PRR16: variants seen among roughly 807,000 people sequenced by gnomAD.
PRR16 encodes the protein protein Largen.
Under a neutral mutation model 18.2 loss-of-function variants are expected in PRR16, and 6 were observed. The ratio of observed to expected loss-of-function variants is 0.33; its 90% CI spans 0.18 to 0.65. PRR16 has a LOEUF of 0.65. Among genes scored for constraint, PRR16 ranks in the 30% least tolerant of loss-of-function variants. The pLI is 0.74. For synonymous variants in PRR16, 151 were observed against 147.8 expected, an observed-to-expected ratio of 1.02 and a Z score of -0.16; for missense variants, 412 against 376.6, an observed-to-expected ratio of 1.09 and a Z score of -0.78.
the PRR16 span, among the ~76,000 whole-genome samples, chr5:120,714,123 A>C: frequency 6.6e-6 from 1 of 152,134 alleles, no homozygotes; most frequent in African/African-American, 2.4e-5. Flanking sequence ...TTATAATATG[A>C]TATTAAATCA....
chr5:120,524,848 A>C (rs1438471181), intron 1 of PRR16, among the ~76,000 whole-genome samples: 1 of 152,118 alleles, frequency 6.6e-6, no homozygotes, highest in Non-Finnish European at 1.5e-5. Flanking sequence ...TTAAAAAAGC[A>C]AATAAACTAT....
chr5:120,729,550 ATTTG>A, the PRR16 span, among the ~76,000 whole-genome samples: 11 of 152,216 alleles, frequency 7.2e-5, no homozygotes, highest in African/African-American at 2.6e-4. Context: ...GGGTTTGAGT[ATTTG>A]TTTGCTTATT....
intron 1 of PRR16, among the ~76,000 whole-genome samples, chr5:120,505,402 C>G (rs192247881): frequency 9.6e-4 from 146 of 151,348 alleles, no homozygotes; most frequent in Admixed American, 2.8e-3. Context: ...TGGCTGTTGC[C>G]TCCTGCTTGG....
At chr5:120,618,094 A>G (rs1289842731) in intron 1 of PRR16, among the ~76,000 whole-genome samples, 1 of 152,138 alleles carries the variant, frequency 6.6e-6, no homozygotes, top group Non-Finnish European at 1.5e-5. Context: ...ATGGATACCA[A>G]ATTTTTCCAC....
intron 1 of PRR16, among the ~76,000 whole-genome samples, chr5:120,614,291 T>C (rs1415746982): frequency 6.6e-6 from 1 of 152,214 alleles, no homozygotes; most frequent in African/African-American, 2.4e-5. Context: ...TATCTTCTTA[T>C]TGGAAGAATA....
At chr5:120,661,918 T>G (rs1213363856) in intron 1 of PRR16, among the ~76,000 whole-genome samples, 1 of 152,118 alleles carries the variant, frequency 6.6e-6, no homozygotes, top group Non-Finnish European at 1.5e-5. Flanking sequence ...TAAGAAATGG[T>G]TCAACAATTT....
the PRR16 span, among the ~76,000 whole-genome samples, chr5:120,745,825 A>G: frequency 6.7e-6 from 1 of 149,272 alleles, no homozygotes; most frequent in African/African-American, 2.5e-5. Flanking sequence ...CAGCCTCTGG[A>G]GTAGCTGGGA....
At chr5:120,753,938 TA>T in the PRR16 span, among the ~76,000 whole-genome samples, 2 of 9,360 alleles carry the variant, frequency 2.1e-4, no homozygotes, top group Non-Finnish European at 5.0e-3. Flanking sequence ...ATATTATATA[TA>T]ATATATGTTA....
intron 1 of PRR16, among the ~76,000 whole-genome samples, chr5:120,501,972 A>G (rs1338018026): frequency 6.7e-6 from 1 of 150,240 alleles, no homozygotes; most frequent in Non-Finnish European, 1.5e-5. Flanking sequence ...AAAAAAAAAA[A>G]AAAAAAAAAA....
chr5:120,742,276 G>T, the PRR16 span, among the ~76,000 whole-genome samples: 1 of 77,010 alleles, frequency 1.3e-5, no homozygotes, highest in African/African-American at 4.0e-5. Context: ...TTTGTTACTT[G>T]TGGGTTTTTT....
the PRR16 span, among the ~76,000 whole-genome samples, chr5:120,727,432 A>G: frequency 2.0e-5 from 3 of 152,082 alleles, no homozygotes; most frequent in African/African-American, 7.2e-5. Flanking sequence ...CCTGAAGGCA[A>G]TGTGAACCCA....
intron 1 of PRR16, among the ~76,000 whole-genome samples, chr5:120,545,399 C>A (rs1442311707): frequency 6.6e-6 from 1 of 152,044 alleles, no homozygotes; most frequent in Non-Finnish European, 1.5e-5. Flanking sequence ...AGTAAAGTTT[C>A]AGCTTTCATA....
At chr5:120,631,888 C>T (rs1020193594) in intron 1 of PRR16, among the ~76,000 whole-genome samples, 1 of 152,152 alleles carries the variant, frequency 6.6e-6, no homozygotes, top group African/African-American at 2.4e-5. Flanking sequence ...TCAGCTGATG[C>T]ACTCTTGAAA....
the PRR16 span, among the ~76,000 whole-genome samples, chr5:120,726,641 TTAA>T: frequency 3.3e-5 from 5 of 152,086 alleles, no homozygotes; most frequent in Non-Finnish European, 2.9e-5. Context: ...GATTTGATAG[TTAA>T]TAATGCCTTG....
intron 1 of PRR16, among the ~76,000 whole-genome samples, chr5:120,610,440 AT>A (rs34355762): frequency 0.22 from 33,205 of 151,870 alleles, 4,211 homozygotes; most frequent in Middle Eastern, 0.37. Flanking sequence ...ACATACTGAT[AT>A]GGTTTGGCTA....
At chr5:120,767,338 C>A in the PRR16 span, among the ~76,000 whole-genome samples, 2 of 151,796 alleles carry the variant, frequency 1.3e-5, no homozygotes, top group Non-Finnish European at 2.9e-5. Context: ...TTTTGTCATG[C>A]CCAAATCAAA....
chr5:120,771,792 T>C, the PRR16 span, among the ~76,000 whole-genome samples: 2 of 152,142 alleles, frequency 1.3e-5, no homozygotes, highest in East Asian at 3.9e-4. Flanking sequence ...TAGTATATTT[T>C]ATATTATGAA....
At chr5:120,787,749 C>T in the PRR16 span, among the ~76,000 whole-genome samples, 12 of 152,100 alleles carry the variant, frequency 7.9e-5, no homozygotes, top group Non-Finnish European at 1.5e-5. Flanking sequence ...CATGTCTTTA[C>T]TGAAAATATG....
chr5:120,794,564 A>G, the PRR16 span, among the ~76,000 whole-genome samples: 1 of 152,254 alleles, frequency 6.6e-6, no homozygotes, highest in Non-Finnish European at 1.5e-5. Flanking sequence ...AACTTAATCA[A>G]TAAATGTGTG....
Sources: gnomAD v4.1 joint callset for allele counts (sites outside exome capture counted in the v4.1 genomes callset) on GRCh38, gnomAD v4.1.1 for gene constraint, MANE v1.5 for transcripts, NCBI Gene and HGNC (gene_info 2026-07-23, HGNC 2026-07-21) for gene names.